ZHX2: variants seen among roughly 807,000 people sequenced by gnomAD.
The protein encoded by ZHX2 is zinc fingers and homeoboxes protein 2.
A neutral mutation model predicts 21.9 loss-of-function variants in ZHX2; 6 were observed. That is an observed-to-expected ratio of 0.27 (90% confidence interval 0.15 to 0.54). The LOEUF is 0.54. Ranked by LOEUF, ZHX2 falls within the 20% of genes least tolerant of loss-of-function variation. The probability of loss-of-function intolerance (pLI) is 0.95; values close to 1 mark genes in which losing one functional copy is unlikely to be tolerated. For synonymous variants in ZHX2, 434 were observed against 437.1 expected, an observed-to-expected ratio of 0.99 and a Z score of 0.09; for missense variants, 908 against 1,090.7, an observed-to-expected ratio of 0.83 and a Z score of 2.36.
At chr8:122,870,887 G>A (rs1156690538) in intron 2 of ZHX2, among the ~76,000 whole-genome samples, 1 of 152,130 alleles carries the variant, frequency 6.6e-6, no homozygotes, top group Non-Finnish European at 1.5e-5. Context: ...AGTGAGAAAG[G>A]ACAGGTCCAG....
intron 2 of ZHX2, among the ~76,000 whole-genome samples, chr8:122,926,517 A>T (rs1034443503): frequency 2.6e-5 from 4 of 152,226 alleles, no homozygotes; most frequent in African/African-American, 9.6e-5. Flanking sequence ...GAACGTGGGA[A>T]GACCAGATAG....
At chr8:122,940,190 G>T (rs964672564) in intron 2 of ZHX2, among the ~76,000 whole-genome samples, 8 of 152,182 alleles carry the variant, frequency 5.3e-5, no homozygotes, top group Non-Finnish European at 1.0e-4. Context: ...TCAAACTGGG[G>T]GTGCTGGCTT....
At chr8:122,851,474 G>A (rs545664181) in intron 1 of ZHX2, among the ~76,000 whole-genome samples, 1 of 152,290 alleles carries the variant, frequency 6.6e-6, no homozygotes, top group East Asian at 1.9e-4. Flanking sequence ...AGCTCAAACA[G>A]CACCCCATCA....
At chr8:122,807,123 CGTT>C (rs1030445569) in intron 1 of ZHX2, among the ~76,000 whole-genome samples, 1 of 152,112 alleles carries the variant, frequency 6.6e-6, no homozygotes, top group African/African-American at 2.4e-5. Flanking sequence ...CTGCTGTTGT[CGTT>C]GTTGGATCAT....
Position 122,953,233 on chromosome 8 carries a change from T to A in ZHX2, c.1723T>A (p.Ser575Thr). ...CAAGCTGAGCAGGAGAGAGATCGAC[T>A]CCTGGTTCTCGGAGAGGCGGAAGCT... ...ETKLSRREID[S>T]WFSERRKLRD... The change falls in exon 3 of 4, where the codon TCC (serine) becomes ACC (threonine). Residue 575 changes from serine to threonine, a missense_variant. Physicochemically the swap from Ser to Thr is moderately conservative, Grantham distance 58 (BLOSUM62 1). This residue lies in a region of ZHX2 where 431 missense variants were observed against 428.6 expected (regional missense o/e 1.01). Coordinates refer to ENST00000314393, the MANE Select transcript of ZHX2 (RefSeq NM_014943.5). This position sits in a 1 kb window ranked among gnomAD's most constrained non-coding sequence, Gnocchi z 4.6. The A allele has an allele frequency of 6.2e-7, 1 of 1,613,886 alleles. No homozygotes were observed. The highest frequency in any genetic ancestry group is 8.5e-7 in the Non-Finnish European group (1 of 1,179,978).
chr8:122,806,567 T>A (rs1204730073), intron 1 of ZHX2, among the ~76,000 whole-genome samples: 1 of 152,122 alleles, frequency 6.6e-6, no homozygotes, highest in African/African-American at 2.4e-5. Flanking sequence ...AGGGCCTGAT[T>A]ACAGAGAAGA....
chr8:122,868,667 C>T (rs550302299), intron 2 of ZHX2, among the ~76,000 whole-genome samples: 48 of 145,562 alleles, frequency 3.3e-4, no homozygotes, highest in African/African-American at 1.2e-3. Flanking sequence ...CGCCACTGCA[C>T]TCCAGCCTGG....
chr8:122,802,373 TTTC>T (rs1396408043), intron 1 of ZHX2, among the ~76,000 whole-genome samples: 2 of 152,206 alleles, frequency 1.3e-5, no homozygotes, highest in African/African-American at 2.4e-5. Context: ...TCAAGTCACT[TTTC>T]TTCTCAGCAG....
rs149717155 is a variant in ZHX2 at position 122,842,214 on chromosome 8, A to T, written c.-282-21263A>T. The stretch of plus-strand genomic sequence containing the variant: ...GTTGGAAAATGAGAAGGTTGTAGGA[A>T]ATTCATCTCATAAATCTATAGGCCT... On this transcript the variant is annotated intron_variant, in intron 1 of 3. Coordinates refer to ENST00000314393, the MANE Select transcript of ZHX2 (RefSeq NM_014943.5). 2.1e-4 allele frequency among the ~76,000 whole-genome samples: 32 copies of T among 152,188 alleles called. No homozygotes were observed. In the East Asian group the frequency reaches 6.2e-3, roughly 29 times the overall value.
chr8:122,869,302 T>C (rs1819374094), intron 2 of ZHX2, among the ~76,000 whole-genome samples: 1 of 151,680 alleles, frequency 6.6e-6, no homozygotes, highest in African/African-American at 2.4e-5. Flanking sequence ...CCCTGTGGTG[T>C]ATCCCTCTCC....
Position 122,951,651 on chromosome 8 carries a change from G to C in ZHX2, c.141G>C (p.Trp47Cys), listed in dbSNP as rs756523944. ...AGCCTGACGTGGCCAAGGACAGTTGGGCAGCAGAACTTGAAAACTCTTCCA... is the reference window on the plus strand; with the variant it reads ...AGCCTGACGTGGCCAAGGACAGTTGCGCAGCAGAACTTGAAAACTCTTCCA... Reference protein sequence around the residue: ...TPQPDVAKDSWAAELENSSKE... With the variant: ...TPQPDVAKDSCAAELENSSKE... Residue 47 changes from tryptophan (W) to cysteine (C), a missense_variant, in exon 3 of 4, where the codon TGG becomes TGC. Physicochemically the swap from Trp to Cys is radical, Grantham distance 215. This residue lies in a region of ZHX2 where 220 missense variants were observed against 251.4 expected (regional missense o/e 0.88). Coordinates refer to ENST00000314393, the MANE Select transcript of ZHX2 (RefSeq NM_014943.5). 41 of 1,613,874 alleles carry C rather than the reference G, an allele frequency of 2.5e-5. No individual in the cohort carries two copies. The highest frequency in any genetic ancestry group is 3.2e-5 in the Non-Finnish European group (38 of 1,180,004).
At position 122,810,741 on chromosome 8, in the gene ZHX2, C is replaced by T. The variant is rs537694237; in HGVS notation, c.-283+28795C>T. The stretch of plus-strand genomic sequence containing the variant: ...AGAGTCGTGCCCATCAAAATGGGCA[C>T]TCCAAGGAGTGTTGTATGTGAAATG... On this transcript the variant is annotated intron_variant, in intron 1 of 3. Transcript: ENST00000314393. Among the ~76,000 whole-genome samples the T allele has an allele frequency of 9.2e-5, 14 of 152,162 alleles. No individual in the cohort carries two copies. The South Asian group carries it at 2.9e-3, about 32-fold the overall frequency.
chr8:122,860,147 C>T (rs1019163487), intron 1 of ZHX2, among the ~76,000 whole-genome samples: 7 of 152,248 alleles, frequency 4.6e-5, no homozygotes, highest in South Asian at 4.2e-4. Context: ...AGGAAGGAGA[C>T]GCAGTGAGCG....
intron 2 of ZHX2, among the ~76,000 whole-genome samples, chr8:122,897,431 AT>A (rs923241620): frequency 1.3e-5 from 2 of 151,934 alleles, no homozygotes; most frequent in South Asian, 4.2e-4. Flanking sequence ...TGATGATTAC[AT>A]TTTTTTTGGT....
chr8:122,956,867 C>G (rs1410385382), intron 3 of ZHX2, among the ~76,000 whole-genome samples: 1 of 152,126 alleles, frequency 6.6e-6, no homozygotes, highest in Non-Finnish European at 1.5e-5. Flanking sequence ...GCCCCGGTCC[C>G]CATCTCTTCT....
At chr8:122,834,169 A>G (rs1484142792) in intron 1 of ZHX2, among the ~76,000 whole-genome samples, 1 of 152,200 alleles carries the variant, frequency 6.6e-6, no homozygotes, top group Non-Finnish European at 1.5e-5. Context: ...TAATTCAAAA[A>G]TAACATACCG....
intron 1 of ZHX2, chr8:122,816,362 A>G (rs565269417): frequency 8.5e-5 from 13 of 152,286 alleles, no homozygotes; most frequent in African/African-American, 3.1e-4. Flanking sequence ...TTATTGTGAT[A>G]CTTGCTTTAT....
intron 1 of ZHX2, among the ~76,000 whole-genome samples, chr8:122,806,346 T>C (rs940717935): frequency 6.6e-6 from 1 of 152,188 alleles, no homozygotes; most frequent in Non-Finnish European, 1.5e-5. Flanking sequence ...CCCTACCCAA[T>C]AGAGCCACTA....
chr8:122,792,636 T>A (rs1817539322), intron 1 of ZHX2, among the ~76,000 whole-genome samples: 1 of 152,144 alleles, frequency 6.6e-6, no homozygotes. Flanking sequence ...TGTCCACCCT[T>A]GGTATTGTCA....
Sources: gnomAD v4.1 joint callset for allele counts (sites outside exome capture counted in the v4.1 genomes callset) on GRCh38, gnomAD v4.1.1 for gene constraint, gnomAD v4.1.1 regional missense constraint, Gnocchi (gnomAD v3.1) non-coding constraint, MANE v1.5 for transcripts, NCBI Gene and HGNC (gene_info 2026-07-23, HGNC 2026-07-21) for gene names.